The following POLR1A variants were observed in gnomAD, a reference collection of about 807,000 sequenced individuals.
POLR1A encodes DNA-directed RNA polymerase I subunit RPA1.
POLR1A carries 84 observed loss-of-function variants against 205.3 expected under a neutral mutation model. That is an observed-to-expected ratio of 0.41 (90% CI 0.34 to 0.49). POLR1A has a LOEUF of 0.49. Among genes scored for constraint, POLR1A ranks in the 20% least tolerant of loss-of-function variants. The pLI is 0.22. For missense variants in POLR1A, 1,645 were observed against 2,204.5 expected, an observed-to-expected ratio of 0.75 and a Z score of 5.08; for synonymous variants, 799 against 863.7, an observed-to-expected ratio of 0.93 and a Z score of 1.31.
At position 86,065,384 on chromosome 2, in the gene POLR1A, G is replaced by A. The variant is rs771110033; in HGVS notation, c.1948C>T (p.Arg650Trp). 1.3e-4 allele frequency: 207 copies of A among 1,613,954 alleles called. No homozygotes were observed. Among genetic ancestry groups the A allele is most frequent in the Non-Finnish European group, 1.7e-4 (195 of 1,179,960 alleles). Reference protein sequence around the residue: ...SMTTRGCFFTREHYMELVYRG... With the variant: ...SMTTRGCFFTWEHYMELVYRG... The stretch of plus-strand genomic sequence containing the variant: ...TACACCAGCTCCATATAGTGCTCCC[G>A]GGTGAAAAAGCAACCCCGAGTAGTC... The change falls in exon 14 of 34, where the codon CGG becomes TGG. Residue 650 changes from arginine (R) to tryptophan (W), a missense_variant. Coordinates refer to ENST00000263857, the MANE Select transcript of POLR1A (RefSeq NM_015425.6).
Position 86,088,639 on chromosome 2 carries a change from G to A in POLR1A, c.657C>T (p.His219=). The change falls in exon 6 of 34, where the codon CAC becomes CAT. Residue 219 remains histidine, a synonymous_variant. Coordinates refer to ENST00000263857, the MANE Select transcript of POLR1A (RefSeq NM_015425.6). ...KTGRSVVRKE[H]NSKLTITFPA... ...GAAACGTGATAGTCAACTTGCTGTT[G>A]TGTTCCTTTCGGACAACGGATCGCC... 1 of 1,614,070 alleles carries A rather than the reference G, an allele frequency of 6.2e-7. No homozygotes were observed. Among genetic ancestry groups the A allele is most frequent in the Non-Finnish European group, 8.5e-7 (1 of 1,179,880 alleles).
chr2:86,087,566 G>A (rs1390955532), intron 6 of POLR1A, among the ~76,000 whole-genome samples: 6 of 152,280 alleles, frequency 3.9e-5, no homozygotes, highest in East Asian at 3.9e-4. Context: ...TTTCTGAGAC[G>A]GAGTCTTGCT....
intron 3 of POLR1A, among the ~76,000 whole-genome samples, chr2:86,096,730 G>C (rs1280807189): frequency 1.3e-5 from 2 of 152,096 alleles, no homozygotes; most frequent in Non-Finnish European, 2.9e-5. Context: ...ATATGCAGAA[G>C]AATGAAACTA....
chr2:86,060,070 CCAAT>C (rs1672968776), intron 14 of POLR1A, among the ~76,000 whole-genome samples: 1 of 152,122 alleles, frequency 6.6e-6, no homozygotes, highest in Non-Finnish European at 1.5e-5. Flanking sequence ...TTTCTAGACA[CCAAT>C]CATAAACAAT....
chr2:86,037,311 C>G (rs908011257), intron 27 of POLR1A, among the ~76,000 whole-genome samples: 1 of 152,226 alleles, frequency 6.6e-6, no homozygotes, highest in African/African-American at 2.4e-5. Flanking sequence ...ACCCAGGGCT[C>G]GTGAACTGGG....
chr2:86,073,951 G>C (rs1211203435), intron 12 of POLR1A, among the ~76,000 whole-genome samples: 1 of 152,228 alleles, frequency 6.6e-6, no homozygotes, highest in Non-Finnish European at 1.5e-5. Context: ...AGGAAAGGCA[G>C]ACCGATTCTA....
intron 6 of POLR1A, among the ~76,000 whole-genome samples, chr2:86,087,646 G>A (rs909928941): frequency 3.3e-5 from 5 of 152,170 alleles, no homozygotes; most frequent in African/African-American, 1.2e-4. Flanking sequence ...GGGTTCAAGC[G>A]ATTCTCCTGC....
intron 11 of POLR1A, among the ~76,000 whole-genome samples, chr2:86,077,246 G>A (rs905763510): frequency 1.3e-5 from 2 of 152,204 alleles, no homozygotes; most frequent in African/African-American, 4.8e-5. Context: ...GAGCACCACA[G>A]CATGAAGTGC....
chr2:86,063,371 A>G (rs1012023673), intron 14 of POLR1A, among the ~76,000 whole-genome samples: 3 of 149,608 alleles, frequency 2.0e-5, no homozygotes, highest in African/African-American at 7.4e-5. Flanking sequence ...AAGAAAGAAA[A>G]CCTTGCCACA....
chr2:86,084,012 A>T (rs1432787737), intron 6 of POLR1A, among the ~76,000 whole-genome samples: 1 of 152,104 alleles, frequency 6.6e-6, no homozygotes, highest in Non-Finnish European at 1.5e-5. Flanking sequence ...TCAGGTTCAA[A>T]ACTTTCTGGG....
intron 30 of POLR1A, 146 bp downstream of exon 30, chr2:86,031,184 C>T: frequency 8.1e-7 from 1 of 1,227,946 alleles, no homozygotes. Context: ...AAACAGGAGG[C>T]CTGGCTGTGC....
rs892323384 is a variant in POLR1A at position 86,030,250 on chromosome 2, C to T, written c.4725G>A (p.Glu1575=). The stretch of plus-strand genomic sequence containing the variant: ...TGATTCCTTCTGTGTTTAGCACAAG[C>T]TCCTTCTCGTTCTTATTGTTGGTTG... ...NETTNNKNEK[E]LVLNTEGINL... Residue 1575 remains glutamate, a synonymous_variant, in exon 31 of 34, where the codon GAG becomes GAA. Transcript: ENST00000263857. The T allele has an allele frequency of 1.2e-6, 2 of 1,614,130 alleles. No homozygotes were observed. The highest frequency in any genetic ancestry group is 1.3e-5 in the African/African-American group (1 of 74,954).
intron 18 of POLR1A, 123 bp from the exon 19 acceptor site, chr2:86,047,386 A>C: frequency 3.1e-6 from 2 of 650,832 alleles, no homozygotes; most frequent in Non-Finnish European, 5.5e-6. Flanking sequence ...TAAGTACCAA[A>C]TCCCACTCGA....
At chr2:86,081,835 C>A in intron 7 of POLR1A, 129 bp from the exon 8 acceptor site, 1 of 628,026 alleles carries the variant, frequency 1.6e-6, no homozygotes, top group Non-Finnish European at 2.8e-6. Flanking sequence ...GTTAAGGTCA[C>A]AGTTTTCTTT....
chr2:86,083,148 C>G lies in POLR1A; in HGVS notation c.751G>C (p.Gly251Arg). 1 of 1,613,700 alleles carries G rather than the reference C, an allele frequency of 6.2e-7. No homozygotes were observed. The highest frequency in any genetic ancestry group is 8.5e-7 in the Non-Finnish European group (1 of 1,179,620). ...EPLGIEEAQIGKRGYLTPTSA... is the reference protein window; with the variant it reads ...EPLGIEEAQIRKRGYLTPTSA... ...GTGGGTGTTAAGTATCCTCGTTTTC[C>G]TATCTGAGCTTCCTCAATTCCTGGA... Residue 251 changes from glycine (G) to arginine (R), a missense_variant, in exon 7 of 34, where the codon GGA becomes CGA. Coordinates refer to ENST00000263857, the MANE Select transcript of POLR1A (RefSeq NM_015425.6).
At chr2:86,096,286 A>C (rs1239783576) in intron 3 of POLR1A, among the ~76,000 whole-genome samples, 1 of 152,210 alleles carries the variant, frequency 6.6e-6, no homozygotes, top group Non-Finnish European at 1.5e-5. Flanking sequence ...GAGAGGATAC[A>C]AATGGAAAAA....
rs1330260873 is a variant in POLR1A at position 86,030,405 on chromosome 2, G to A, written c.4579-9C>T. On this transcript the variant is annotated splice_polypyrimidine_tract_variant and intron_variant, in intron 30 of 33. Coordinates refer to ENST00000263857, the MANE Select transcript of POLR1A (RefSeq NM_015425.6). Reference sequence around the variant, plus strand: ...GGGAGCTTCACTGTCACCTGCAAAAGGAGGGAGAGCTGGGTAGGGTGACAG... The same window carrying A: ...GGGAGCTTCACTGTCACCTGCAAAAAGAGGGAGAGCTGGGTAGGGTGACAG... The A allele has an allele frequency of 6.2e-7, 1 of 1,606,626 alleles. No individual in the cohort carries two copies. Among genetic ancestry groups the A allele is most frequent in the South Asian group, 1.1e-5 (1 of 90,898 alleles).
chr2:86,092,543 G>A (rs533500352), intron 3 of POLR1A, among the ~76,000 whole-genome samples: 3 of 152,310 alleles, frequency 2.0e-5, no homozygotes, highest in Admixed American at 6.5e-5. Flanking sequence ...TATCTAACTC[G>A]GCTGGGCACA....
rs1476732734 is a variant in POLR1A, at chr2:86,080,202, G to C, written c.1086+614C>G. Reference sequence around the variant, plus strand: ...GTACTTTAGAGCTGGGAAGGATCTTGATGACCTCAGCAAGCTTCCTGGGTG... The same window carrying C: ...GTACTTTAGAGCTGGGAAGGATCTTCATGACCTCAGCAAGCTTCCTGGGTG... On this transcript the variant is annotated intron_variant, in intron 9 of 33. Coordinates refer to ENST00000263857, the MANE Select transcript of POLR1A (RefSeq NM_015425.6). Among the ~76,000 whole-genome samples the C allele has an allele frequency of 2.0e-5, 3 of 152,148 alleles. 1 individual carries two copies. Among genetic ancestry groups the C allele is most frequent in the African/African-American group, 4.8e-5 (2 of 41,436 alleles).
Sources: gnomAD v4.1 joint callset for allele counts (sites outside exome capture counted in the v4.1 genomes callset) on GRCh38, gnomAD v4.1.1 for gene constraint, MANE v1.5 for transcripts, NCBI Gene and HGNC (gene_info 2026-07-23, HGNC 2026-07-21) for gene names.